HIVEP3: variants seen among roughly 807,000 people sequenced by gnomAD.
The protein encoded by HIVEP3 is HIVEP zinc finger 3.
In HIVEP3, 49 loss-of-function variants were observed where a neutral mutation model predicts 152.8. That is an observed-to-expected ratio of 0.32 (90% CI 0.26 to 0.41). The LOEUF is 0.41. Ranked by LOEUF, HIVEP3 falls within the 10% of genes least tolerant of loss-of-function variation. The probability of loss-of-function intolerance (pLI) is 1.00; values close to 1 mark genes in which losing one functional copy is unlikely to be tolerated. For synonymous variants in HIVEP3, 1,269 were observed against 1,289.0 expected, an observed-to-expected ratio of 0.98 and a Z score of 0.33; for missense variants, 2,790 against 3,103.3, an observed-to-expected ratio of 0.90 and a Z score of 2.40.
chr1:41,624,014 C>T (rs1645081831), intron 3 of HIVEP3, among the ~76,000 whole-genome samples: 1 of 140,782 alleles, frequency 7.1e-6, no homozygotes, highest in South Asian at 2.5e-4. Flanking sequence ...TTAAAGCAGC[C>T]CCAGGAGCTG....
chr1:41,641,687 T>C (rs1645375387), intron 2 of HIVEP3, among the ~76,000 whole-genome samples: 1 of 152,234 alleles, frequency 6.6e-6, no homozygotes, highest in Admixed American at 6.5e-5. Context: ...GAGCAGGCCC[T>C]GTGGGGCCCA....
At chr1:41,828,125 G>A (rs2124352508) in intron 1 of HIVEP3, among the ~76,000 whole-genome samples, 1 of 152,348 alleles carries the variant, frequency 6.6e-6, no homozygotes, top group Non-Finnish European at 1.5e-5. Context: ...GGCTTCCCCT[G>A]CAACCCCAGT....
intron 1 of HIVEP3, among the ~76,000 whole-genome samples, chr1:42,033,242 G>A (rs1645623101): frequency 1.3e-5 from 2 of 152,198 alleles, no homozygotes; most frequent in Non-Finnish European, 2.9e-5. Context: ...GCAAAGTGAT[G>A]CCAGACAGTC....
intron 1 of HIVEP3, among the ~76,000 whole-genome samples, chr1:41,928,783 G>A (rs1015887434): frequency 6.6e-6 from 1 of 152,064 alleles, no homozygotes; most frequent in African/African-American, 2.4e-5. Context: ...GTGGAGTTTT[G>A]GCAAGAATGC....
At chr1:41,696,678 G>A (rs72669088) in intron 2 of HIVEP3, among the ~76,000 whole-genome samples, 120 of 152,246 alleles carry the variant, frequency 7.9e-4, no homozygotes, top group African/African-American at 2.2e-3. Flanking sequence ...AGAGACAGAC[G>A]GCCCTGTGCA....
At chr1:41,885,978 C>T (rs1050321154) in intron 1 of HIVEP3, among the ~76,000 whole-genome samples, 2 of 152,096 alleles carry the variant, frequency 1.3e-5, no homozygotes, top group African/African-American at 2.4e-5. Flanking sequence ...TACTGTGATG[C>T]TAAGGAAGAA....
At chr1:41,610,693 C>T (rs16828475) in intron 3 of HIVEP3, among the ~76,000 whole-genome samples, 16,443 of 152,262 alleles carry the variant, frequency 0.11, 1,495 homozygotes, top group East Asian at 0.47. Context: ...TCCAGCTCCA[C>T]CCAGGGAGCC....
At chr1:41,641,347 G>A (rs1482545293) in intron 2 of HIVEP3, among the ~76,000 whole-genome samples, 1 of 152,200 alleles carries the variant, frequency 6.6e-6, no homozygotes, top group African/African-American at 2.4e-5. Flanking sequence ...TGCCCCCTTA[G>A]CTAAGAGGGG....
At chr1:41,871,121 G>C (rs911131369) in intron 1 of HIVEP3, among the ~76,000 whole-genome samples, 3 of 152,180 alleles carry the variant, frequency 2.0e-5, no homozygotes, top group African/African-American at 7.2e-5. Flanking sequence ...AAACCACTCA[G>C]ACCAAATCTC....
chr1:41,668,327 G>A (rs1387375085), intron 2 of HIVEP3, among the ~76,000 whole-genome samples: 1 of 152,242 alleles, frequency 6.6e-6, no homozygotes, highest in African/African-American at 2.4e-5. Flanking sequence ...CGAGAGAGAT[G>A]AATACGGGAG....
chr1:41,552,275 C>G (rs10890117), intron 5 of HIVEP3, among the ~76,000 whole-genome samples: 126,731 of 151,474 alleles, frequency 0.84, 53,663 homozygotes, highest in Non-Finnish European at 0.89. Context: ...GTGCAGGTTA[C>G]TTACATATGT....
intron 5 of HIVEP3, among the ~76,000 whole-genome samples, chr1:41,531,929 G>T: frequency 7.6e-6 from 1 of 130,906 alleles, no homozygotes; most frequent in African/African-American, 3.0e-5. Flanking sequence ...GAGAGGTAGA[G>T]GACAGGGGAG....
chr1:41,958,172 G>A (rs1024824601), intron 1 of HIVEP3, among the ~76,000 whole-genome samples: 2 of 152,206 alleles, frequency 1.3e-5, no homozygotes, highest in African/African-American at 4.8e-5. Context: ...GGCAGCTCCC[G>A]GCTGCAATAC....
At chr1:41,821,220 C>T (rs1230468098) in intron 1 of HIVEP3, among the ~76,000 whole-genome samples, 1 of 152,196 alleles carries the variant, frequency 6.6e-6, no homozygotes, top group East Asian at 1.9e-4. Context: ...GCTTTCCCAC[C>T]TCTCAGCCCC....
At position 41,775,739 on chromosome 1, in the gene HIVEP3, C is replaced by T. The variant is rs60601317; in HGVS notation, c.-800-74744G>A. ...TCCTGATCCTCATGTGGTCCACCTCCCAAAGTGCAGGGATTACAGGCATGA... is the reference window on the plus strand; with the variant it reads ...TCCTGATCCTCATGTGGTCCACCTCTCAAAGTGCAGGGATTACAGGCATGA... On this transcript the variant is annotated intron_variant, in intron 1 of 8. Coordinates refer to ENST00000372583, the MANE Select transcript of HIVEP3 (RefSeq NM_024503.5). Among the ~76,000 whole-genome samples the T allele has an allele frequency of 7.5e-3, 1,146 of 152,272 alleles. 9 individuals carry two copies. The highest frequency in any genetic ancestry group is 0.026 in the African/African-American group (1,064 of 41,546).
intron 5 of HIVEP3, among the ~76,000 whole-genome samples, chr1:41,534,405 C>T (rs866016911): frequency 6.6e-6 from 1 of 152,030 alleles, no homozygotes. Flanking sequence ...CCTTGCATCC[C>T]TGCCCCAGCA....
chr1:41,630,519 C>T (rs1345483872), intron 2 of HIVEP3, among the ~76,000 whole-genome samples: 3 of 152,196 alleles, frequency 2.0e-5, no homozygotes, highest in African/African-American at 7.2e-5. Flanking sequence ...ATCATACCCT[C>T]ACCGCCTTGA....
At chr1:41,986,976 C>T (rs928133623) in intron 1 of HIVEP3, among the ~76,000 whole-genome samples, 8 of 152,108 alleles carry the variant, frequency 5.3e-5, no homozygotes, top group Admixed American at 5.2e-4. Context: ...TATCCCTGAT[C>T]GACAAATATC....
chr1:41,575,747 G>A, intron 4 of HIVEP3, 58 bp from the exon 5 acceptor site: 1 of 1,569,234 alleles, frequency 6.4e-7, no homozygotes, highest in Non-Finnish European at 8.7e-7. Context: ...CCTCAGTCAC[G>A]AATGCAATGC....
Sources: gnomAD v4.1 joint callset for allele counts (sites outside exome capture counted in the v4.1 genomes callset) on GRCh38, gnomAD v4.1.1 for gene constraint, MANE v1.5 for transcripts, NCBI Gene and HGNC (gene_info 2026-07-23, HGNC 2026-07-21) for gene names.